The following HVCN1 variants were observed in gnomAD, a reference collection of about 807,000 sequenced individuals.
HVCN1 encodes voltage-gated hydrogen channel 1.
Under a neutral mutation model 29.2 loss-of-function variants are expected in HVCN1, and 14 were observed. That is an observed-to-expected ratio of 0.48 (90% CI 0.32 to 0.75). The LOEUF (loss-of-function observed/expected upper bound fraction) is 0.75. Ranked by LOEUF, HVCN1 falls within the 30% of genes least tolerant of loss-of-function variation. HVCN1 has a pLI of 0.04. For synonymous variants in HVCN1, 131 were observed against 133.2 expected (o/e 0.98, Z 0.11); for missense variants, 263 against 341.8 (o/e 0.77, Z 1.82).
chr12:110,677,175 A>T (rs1306073212), intron 3 of HVCN1, among the ~76,000 whole-genome samples: 1 of 151,866 alleles, frequency 6.6e-6, no homozygotes, highest in Non-Finnish European at 1.5e-5. Context: ...ACTGCACTCC[A>T]GCCTGGGTGA....
intron 2 of HVCN1, among the ~76,000 whole-genome samples, chr12:110,685,340 C>T (rs1419467361): frequency 6.6e-6 from 1 of 152,204 alleles, no homozygotes. Flanking sequence ...GATTCTCCCC[C>T]AGAGCCTGCA....
chr12:110,693,728 C>T (rs71458354), upstream of HVCN1, among the ~76,000 whole-genome samples: 160 of 152,190 alleles, frequency 1.1e-3, no homozygotes, highest in Non-Finnish European at 1.8e-3. Context: ...ACTATAAGAA[C>T]TCCATCTATT....
At chr12:110,655,745 C>T (rs2067969101) in intron 4 of HVCN1, among the ~76,000 whole-genome samples, 1 of 148,690 alleles carries the variant, frequency 6.7e-6, no homozygotes, top group Non-Finnish European at 1.5e-5. Context: ...TGTTTTGTCA[C>T]CGAGGCTGGA....
intron 3 of HVCN1, among the ~76,000 whole-genome samples, chr12:110,678,606 A>G (rs1227932227): frequency 2.6e-5 from 4 of 151,154 alleles, no homozygotes; most frequent in Non-Finnish European, 5.9e-5. Context: ...ATGCACCACC[A>G]CGCCTGGCTA....
At chr12:110,660,405 C>T (rs1390517388) in intron 4 of HVCN1, among the ~76,000 whole-genome samples, 1 of 152,214 alleles carries the variant, frequency 6.6e-6, no homozygotes, top group African/African-American at 2.4e-5. Context: ...AAGGCCAGGA[C>T]AGGCAGGTAT....
rs373110681 is a variant in HVCN1 at position 110,661,600 on chromosome 12, G to A, written c.22-152C>T. The A allele has an allele frequency of 1.4e-5, 10 of 695,472 alleles. No individual in the cohort carries two copies. Among genetic ancestry groups the A allele is most frequent in the East Asian group, 8.2e-5 (3 of 36,798 alleles). 43.1% of individuals were successfully genotyped at this position (695,472 alleles called of 1,614,324 possible). A position where few individuals can be genotyped will look rare whatever the true frequency, so the allele number is the denominator to read the frequency against. ...GACCATGAGGTCACGGTGGTTTCTC[G>A]TGCTTTTATTTTTGGAATCCAGGGT... is the stretch of plus-strand genomic sequence containing the variant. On this transcript the variant is annotated intron_variant, in intron 3 of 7. Transcript: ENST00000242607. This position sits in a 1 kb window ranked among gnomAD's most constrained non-coding sequence, Gnocchi z 6.2.
Position 110,661,554 on chromosome 12 carries a change from G to A in HVCN1, c.22-106C>T, listed in dbSNP as rs922561829. ...TGCAGGTGAAGATGGTCCCGGGTGC[G>A]TAGAACCCCCTGCAAGCAGAGACCA... is the stretch of plus-strand genomic sequence containing the variant. On this transcript the variant is annotated intron_variant, in intron 3 of 7. Coordinates refer to ENST00000242607, the MANE Select transcript of HVCN1 (RefSeq NM_032369.4). The surrounding 1 kb of genome is among the most constrained non-coding windows in gnomAD (Gnocchi z 6.2). 12 of 1,029,844 alleles carry A rather than the reference G, an allele frequency of 1.2e-5. No homozygotes were observed. Among genetic ancestry groups the A allele is most frequent in the Non-Finnish European group, 1.4e-5 (10 of 706,918 alleles). 63.8% of individuals were successfully genotyped at this position (1,029,844 alleles called of 1,614,324 possible). A position where few individuals can be genotyped will look rare whatever the true frequency, so the allele number is the denominator to read the frequency against.
intron 2 of HVCN1, among the ~76,000 whole-genome samples, chr12:110,698,367 GCT>G (rs1235787671): frequency 6.6e-6 from 1 of 152,180 alleles, no homozygotes; most frequent in Non-Finnish European, 1.5e-5. Context: ...CTAGAAATAT[GCT>G]CTAACTCACT....
chr12:110,668,262 G>A (rs1156399927), intron 3 of HVCN1, among the ~76,000 whole-genome samples: 2 of 152,152 alleles, frequency 1.3e-5, no homozygotes, highest in Non-Finnish European at 2.9e-5. Context: ...AGCACTTTGG[G>A]AGGCCAAGAT....
At chr12:110,693,083 T>G (rs2069437507), upstream of HVCN1, among the ~76,000 whole-genome samples, 1 of 152,032 alleles carries the variant, frequency 6.6e-6, no homozygotes, top group Non-Finnish European at 1.5e-5. Context: ...CTTGCTTTGT[T>G]TCCCAGGCTG....
chr12:110,655,705 G>GTTTT (rs150136698), intron 4 of HVCN1, among the ~76,000 whole-genome samples: 3 of 136,376 alleles, frequency 2.2e-5, no homozygotes, highest in Non-Finnish European at 3.2e-5. Context: ...CAAATAATCA[G>GTTTT]TTTTTTTTTT....
At chr12:110,669,672 TAAC>T (rs2068504396) in intron 3 of HVCN1, among the ~76,000 whole-genome samples, 1 of 152,112 alleles carries the variant, frequency 6.6e-6, no homozygotes, top group Non-Finnish European at 1.5e-5. Flanking sequence ...CACACTGTCT[TAAC>T]AACCACTGAG....
chr12:110,662,470 T>C (rs2068210763), intron 3 of HVCN1, among the ~76,000 whole-genome samples: 1 of 152,172 alleles, frequency 6.6e-6, no homozygotes, highest in African/African-American at 2.4e-5. Context: ...TTCCATGGGC[T>C]AAGGCAAGTA....
chr12:110,688,472 C>T (rs1490507921), intron 2 of HVCN1, 153 bp downstream of exon 2: 5 of 152,412 alleles, frequency 3.3e-5, no homozygotes, highest in African/African-American at 1.2e-4. Context: ...AGTTTGCTTC[C>T]CCGGGGCTCC....
At position 110,701,125 on chromosome 12, in the gene HVCN1, G is replaced by A. The variant is rs144248180; in HGVS notation, c.-104+1184C>T. On this transcript the variant is annotated intron_variant, in intron 2 of 4. Transcript: ENST00000546713. ...TCACTGAGGCCTTGTATCCAGCTGC[G>A]CCCAGTGCTACCCTGGACATGTTAG... Among the ~76,000 whole-genome samples the A allele has an allele frequency of 4.0e-5, 6 of 150,868 alleles. No individual in the cohort carries two copies. In the East Asian group the frequency reaches 1.2e-3, roughly 29 times the overall value.
chr12:110,674,225 AC>A, intron 3 of HVCN1, among the ~76,000 whole-genome samples: 1 of 152,266 alleles, frequency 6.6e-6, no homozygotes, highest in Admixed American at 6.5e-5. Flanking sequence ...ACTTGCAGGG[AC>A]CCTGTAACTA....
intron 1 of HVCN1, among the ~76,000 whole-genome samples, chr12:110,702,991 T>C (rs1292221096): frequency 6.6e-6 from 1 of 152,074 alleles, no homozygotes; most frequent in African/African-American, 2.4e-5. Context: ...TTTCACCATG[T>C]TGGCTAGGCT....
chr12:110,684,725 C>T (rs1168406329), intron 2 of HVCN1, among the ~76,000 whole-genome samples: 1 of 152,184 alleles, frequency 6.6e-6, no homozygotes, highest in Non-Finnish European at 1.5e-5. Flanking sequence ...GTAGGTGTTA[C>T]TTTAAAACGT....
chr12:110,680,692 G>C (rs540394423), intron 3 of HVCN1, among the ~76,000 whole-genome samples: 2 of 152,238 alleles, frequency 1.3e-5, no homozygotes, highest in Non-Finnish European at 2.9e-5. Flanking sequence ...TGAGGCAGGT[G>C]GATCACTTGA....
Sources: gnomAD v4.1 joint callset for allele counts (sites outside exome capture counted in the v4.1 genomes callset) on GRCh38, gnomAD v4.1.1 for gene constraint, Gnocchi (gnomAD v3.1) non-coding constraint, MANE v1.5 for transcripts, NCBI Gene and HGNC (gene_info 2026-07-23, HGNC 2026-07-21) for gene names.